Variants in PJA2 observed in about 807,000 individuals in gnomAD.
The protein encoded by PJA2 is E3 ubiquitin-protein ligase Praja-2.
Under a neutral mutation model 69.3 loss-of-function variants are expected in PJA2, and 25 were observed. The ratio of observed to expected loss-of-function variants is 0.36; its 90% CI spans 0.26 to 0.50. The LOEUF (loss-of-function observed/expected upper bound fraction) is 0.50, where lower values mean the gene tolerates loss of function less well. PJA2 is among the 20% of genes least tolerant of loss of function. The pLI is 0.96. For missense variants in PJA2, 809 were observed against 830.2 expected (o/e 0.97, Z 0.31); for synonymous variants, 308 against 277.8 (o/e 1.11, Z -1.08).
intron 5 of PJA2, among the ~76,000 whole-genome samples, chr5:109,364,796 A>G (rs1398066809): frequency 6.6e-6 from 1 of 152,108 alleles, no homozygotes; most frequent in African/African-American, 2.4e-5. Flanking sequence ...CTGTAAGAAA[A>G]ACATCAATAT....
chr5:109,400,769 G>C (rs1221663192), intron 1 of PJA2, among the ~76,000 whole-genome samples: 2 of 151,920 alleles, frequency 1.3e-5, no homozygotes, highest in East Asian at 1.9e-4. Flanking sequence ...CACGAGGTCA[G>C]GAGATTGAGA....
chr5:109,398,468 T>C (rs1045528483), intron 1 of PJA2, among the ~76,000 whole-genome samples: 3 of 152,122 alleles, frequency 2.0e-5, no homozygotes. Context: ...TGAGTTCATG[T>C]CCTTTGTGGG....
chr5:109,397,066 AT>A (rs1437621314), intron 1 of PJA2, among the ~76,000 whole-genome samples: 1 of 152,168 alleles, frequency 6.6e-6, no homozygotes, highest in Non-Finnish European at 1.5e-5. Context: ...CTAGTACCTT[AT>A]AAAAGGCTGG....
rs139827932 is a variant in PJA2, at chr5:109,386,820, T to A, written c.-87-3300A>T. On this transcript the variant is annotated intron_variant, in intron 1 of 9. Coordinates refer to ENST00000361189, the MANE Select transcript of PJA2 (RefSeq NM_014819.5). ...TGAAAGGCACTGTGTCCTACCTGTC[T>A]ACCTATTTATCCTCATTTTGTAGAA... is the stretch of plus-strand genomic sequence containing the variant. Among the ~76,000 whole-genome samples the A allele has an allele frequency of 2.4e-3, 364 of 152,274 alleles. 1 individual carries two copies. The highest frequency in any genetic ancestry group is 0.017 in the Middle Eastern group (5 of 294).
chr5:109,344,913 A>G (rs1582583872), intron 7 of PJA2, 94 bp from the exon 8 acceptor site: 1 of 748,436 alleles, frequency 1.3e-6, no homozygotes, highest in Non-Finnish European at 2.2e-6. Flanking sequence ...TATCACCATT[A>G]TTCTCTTTTT....
intron 1 of PJA2, among the ~76,000 whole-genome samples, chr5:109,398,905 C>T (rs1747477504): frequency 6.6e-6 from 1 of 152,124 alleles, no homozygotes; most frequent in African/African-American, 2.4e-5. Context: ...AAAATCTCTC[C>T]TGCACAAAAC....
At position 109,337,080 on chromosome 5, in the gene PJA2, TA is replaced by T; in HGVS notation, c.*150del. On this transcript the variant is annotated 3_prime_UTR_variant, in exon 10 of 10. Coordinates refer to ENST00000361189, the MANE Select transcript of PJA2 (RefSeq NM_014819.5). ...TTAATACTTTCTGCAAACCTAAATT[TA>T]GTTTAGAAAGGTTAATATTCTTTCT... 2 of 671,664 alleles carry T rather than the reference TA, an allele frequency of 3.0e-6. No homozygotes were observed. The highest frequency in any genetic ancestry group is 4.2e-6 in the Non-Finnish European group (2 of 478,170). The allele number at this position is 671,664 out of a possible 1,614,324, so 41.6% of individuals were successfully genotyped here. A position where few individuals can be genotyped will look rare whatever the true frequency, so the allele number is the denominator to read the frequency against.
intron 1 of PJA2, among the ~76,000 whole-genome samples, chr5:109,405,454 C>T (rs1747663412): frequency 1.3e-5 from 2 of 152,060 alleles, no homozygotes; most frequent in South Asian, 4.1e-4. Flanking sequence ...TTAGAATAGC[C>T]AAGGCAATTT....
chr5:109,346,866 C>T (rs981992655), intron 7 of PJA2, among the ~76,000 whole-genome samples: 8 of 151,862 alleles, frequency 5.3e-5, no homozygotes, highest in African/African-American at 1.9e-4. Flanking sequence ...GTTTATTTTA[C>T]CATAATAAAA....
At chr5:109,389,703 A>G (rs1747238602) in intron 1 of PJA2, among the ~76,000 whole-genome samples, 2 of 151,962 alleles carry the variant, frequency 1.3e-5, no homozygotes, top group African/African-American at 2.4e-5. Context: ...ACTGATTGTA[A>G]ACCTTTGTTC....
intron 1 of PJA2, among the ~76,000 whole-genome samples, chr5:109,396,109 T>C (rs1173017412): frequency 1.3e-5 from 2 of 151,940 alleles, no homozygotes; most frequent in African/African-American, 2.4e-5. Context: ...GTCTGAGATA[T>C]TAGCAAGCCA....
At position 109,335,294 on chromosome 5, in the gene PJA2, G is replaced by GT. The variant is rs1225957276; in HGVS notation, c.*1936dup. ...AGTAGGGAGCCAAGAATGAAGGACA[G>GT]TAACAGATGGAAAGCAAAAAGTACA... is the stretch of plus-strand genomic sequence containing the variant. On this transcript the variant is annotated 3_prime_UTR_variant, in exon 10 of 10. Coordinates refer to ENST00000361189, the MANE Select transcript of PJA2 (RefSeq NM_014819.5). The GT allele has an allele frequency of 1.3e-4, 20 of 152,596 alleles. No individual in the cohort carries two copies. The highest frequency in any genetic ancestry group is 1.3e-3 in the Admixed American group (20 of 15,266). The allele number at this position is 152,596 out of a possible 1,614,324, so 9.5% of individuals were successfully genotyped here.
intron 4 of PJA2, among the ~76,000 whole-genome samples, chr5:109,377,041 C>T (rs2127005641): frequency 6.6e-6 from 1 of 152,104 alleles, no homozygotes; most frequent in South Asian, 2.1e-4. Context: ...AAAACTTTAC[C>T]TTTAGCTTAA....
intron 6 of PJA2, among the ~76,000 whole-genome samples, chr5:109,359,676 C>T (rs1000756683): frequency 6.6e-6 from 1 of 152,074 alleles, no homozygotes; most frequent in Non-Finnish European, 1.5e-5. Flanking sequence ...ACTGAGGAAA[C>T]GTCCACATTA....
chr5:109,400,666 A>G (rs1747522693), intron 1 of PJA2, among the ~76,000 whole-genome samples: 1 of 152,180 alleles, frequency 6.6e-6, no homozygotes, highest in Non-Finnish European at 1.5e-5. Flanking sequence ...AGATGTTAAC[A>G]TCTTTAACCT....
At chr5:109,401,653 T>G (rs1201403771) in intron 1 of PJA2, among the ~76,000 whole-genome samples, 1 of 152,128 alleles carries the variant, frequency 6.6e-6, no homozygotes, top group Non-Finnish European at 1.5e-5. Flanking sequence ...AGCAAAATCT[T>G]TCAAAAGAAA....
At chr5:109,389,750 C>G (rs1747239496) in intron 1 of PJA2, among the ~76,000 whole-genome samples, 1 of 151,976 alleles carries the variant, frequency 6.6e-6, no homozygotes, top group Admixed American at 6.6e-5. Context: ...AAAGTTACCT[C>G]TAAGCATTGC....
chr5:109,368,573 G>C lies in PJA2; in HGVS notation c.1457C>G (p.Ser486Cys). The change falls in exon 5 of 10, where the codon TCT becomes TGT. Residue 486 changes from serine to cysteine, a missense_variant. Around this residue, in one of 4 missense-constraint regions of PJA2, gnomAD observed 700 missense variants for 639.5 expected, o/e 1.09. Coordinates refer to ENST00000361189, the MANE Select transcript of PJA2 (RefSeq NM_014819.5). Reference sequence around the variant, plus strand: ...CTGTTGAACATACCCTTCCTGAAGAGATAATTCTTGGTTTTCTTCTTCAGG... The same window carrying C: ...CTGTTGAACATACCCTTCCTGAAGACATAATTCTTGGTTTTCTTCTTCAGG... The part of the protein sequence containing the change: ...SGPEEENQEL[S>C]LQEGEQTSLE... 4.3e-6 allele frequency: 7 copies of C among 1,613,416 alleles called. No homozygotes were observed. The highest frequency in any genetic ancestry group is 5.9e-6 in the Non-Finnish European group (7 of 1,179,660).
intron 1 of PJA2, among the ~76,000 whole-genome samples, chr5:109,408,741 G>C (rs1220986030): frequency 3.9e-5 from 6 of 152,172 alleles, no homozygotes. Flanking sequence ...TTAAAATTAA[G>C]TGGTCATCTC....
Sources: allele counts gnomAD v4.1 joint callset (sites outside exome capture counted in the v4.1 genomes callset), GRCh38; gene constraint gnomAD v4.1.1; regional missense constraint gnomAD v4.1.1; transcripts MANE v1.5; gene names NCBI Gene and HGNC (gene_info 2026-07-23, HGNC 2026-07-21).